Variants in ZHX3 observed in about 807,000 individuals in gnomAD.
The protein encoded by ZHX3 is zinc fingers and homeoboxes protein 3.
ZHX3 carries 20 observed loss-of-function variants against 64.5 expected under a neutral mutation model. The ratio of observed to expected loss-of-function variants is 0.31; its 90% CI spans 0.22 to 0.45. ZHX3 has a LOEUF of 0.45. Ranked by LOEUF, ZHX3 falls within the 20% of genes least tolerant of loss-of-function variation. The pLI is 1.00. For missense variants in ZHX3, 1,041 were observed against 1,195.8 expected (o/e 0.87, Z 1.91); for synonymous variants, 423 against 461.6 (o/e 0.92, Z 1.07).
At chr20:41,273,301 C>T (rs2043234531) in intron 1 of ZHX3, among the ~76,000 whole-genome samples, 1 of 152,126 alleles carries the variant, frequency 6.6e-6, no homozygotes, top group Admixed American at 6.5e-5. Context: ...CAGATATCTC[C>T]TCCCATTCTG....
intron 2 of ZHX3, among the ~76,000 whole-genome samples, chr20:41,248,708 C>CGAG (rs2146494136): frequency 6.6e-6 from 1 of 152,324 alleles, no homozygotes; most frequent in Non-Finnish European, 1.5e-5. Context: ...GCTCCCTCCT[C>CGAG]TGTGGAATGA....
intron 2 of ZHX3, among the ~76,000 whole-genome samples, chr20:41,237,829 C>A (rs983391225): frequency 2.0e-5 from 3 of 152,036 alleles, no homozygotes; most frequent in African/African-American, 7.2e-5. Context: ...TGGCGGTGAT[C>A]AATATTTATT....
intron 1 of ZHX3, among the ~76,000 whole-genome samples, chr20:41,278,298 G>T (rs1395042316): frequency 7.2e-6 from 1 of 138,204 alleles, no homozygotes; most frequent in African/African-American, 2.7e-5. Flanking sequence ...AGCAGAGATT[G>T]TGCCACTGTA....
At chr20:41,213,529 C>CCTA (rs1358657944) in intron 2 of ZHX3, among the ~76,000 whole-genome samples, 1 of 152,114 alleles carries the variant, frequency 6.6e-6, no homozygotes, top group African/African-American at 2.4e-5. Context: ...GAGATGCAGA[C>CCTA]CTACTACCTG....
chr20:41,209,262 G>T (rs1168589518), intron 2 of ZHX3, among the ~76,000 whole-genome samples: 1 of 152,082 alleles, frequency 6.6e-6, no homozygotes, highest in Non-Finnish European at 1.5e-5. Flanking sequence ...TGGCCATACT[G>T]CCCAAGGTAA....
chr20:41,245,587 G>C (rs1482893338), intron 2 of ZHX3, among the ~76,000 whole-genome samples: 3 of 152,226 alleles, frequency 2.0e-5, no homozygotes, highest in Non-Finnish European at 4.4e-5. Flanking sequence ...AGCACACCCA[G>C]TTACATAACT....
intron 1 of ZHX3, among the ~76,000 whole-genome samples, chr20:41,309,650 G>A (rs62208468): frequency 3.9e-4 from 59 of 152,238 alleles, no homozygotes; most frequent in Middle Eastern, 6.8e-3. Flanking sequence ...CATCTCCCTC[G>A]GGTAAAATCC....
chr20:41,288,567 G>A (rs1000539227), intron 1 of ZHX3, among the ~76,000 whole-genome samples: 12 of 152,166 alleles, frequency 7.9e-5, no homozygotes, highest in Non-Finnish European at 1.5e-4. Flanking sequence ...CAACACACTG[G>A]TGGTGCACAG....
intron 1 of ZHX3, among the ~76,000 whole-genome samples, chr20:41,280,676 CA>C (rs1377567923): frequency 3.3e-5 from 5 of 152,146 alleles, no homozygotes; most frequent in Middle Eastern, 6.8e-3. Context: ...CTCGGCCTCC[CA>C]AAGCGCTGGG....
intron 1 of ZHX3, among the ~76,000 whole-genome samples, chr20:41,314,724 T>C (rs1461553630): frequency 6.6e-6 from 1 of 152,212 alleles, no homozygotes; most frequent in Admixed American, 6.5e-5. Flanking sequence ...TTCTCAGATA[T>C]AGATGAGAAA....
chr20:41,264,385 C>CAAA lies in ZHX3; in HGVS notation c.-151+4602_-151+4604dup, dbSNP rs1165922837. Among the ~76,000 whole-genome samples, 70 of 74,452 alleles carry CAAA rather than the reference C, an allele frequency of 9.4e-4. 2 individuals are homozygous for CAAA. Among genetic ancestry groups the CAAA allele is most frequent in the South Asian group, 4.1e-3 (7 of 1,696 alleles). 48.8% of individuals were successfully genotyped at this position (74,452 alleles called of 152,430 possible). On this transcript the variant is annotated intron_variant, in intron 2 of 3. Coordinates refer to ENST00000683867, the MANE Select transcript of ZHX3 (RefSeq NM_001384317.1). ...AGAAACCCCGTCTCTACCAAAAATA[C>CAAA]AAAAAAAAAAAAAAAAAAAAAAAGT...
In ZHX3 at chr20:41,217,981, T is replaced by C. The variant is rs375839911; in HGVS notation, c.-150-12915A>G. Among the ~76,000 whole-genome samples, 77 of 152,340 alleles carry C rather than the reference T, an allele frequency of 5.1e-4. 1 individual carries two copies. The highest frequency in any genetic ancestry group is 4.8e-3 in the East Asian group (25 of 5,196). On this transcript the variant is annotated intron_variant, in intron 2 of 3. Coordinates refer to ENST00000683867, the MANE Select transcript of ZHX3 (RefSeq NM_001384317.1). ...GAAGATTTTACAACCTGAACTATTC[T>C]AGTGTTTTGTTTTGTTCTTTAAAAA...
chr20:41,258,561 G>T (rs2042389228), intron 2 of ZHX3, among the ~76,000 whole-genome samples: 1 of 152,042 alleles, frequency 6.6e-6, no homozygotes, highest in South Asian at 2.1e-4. Context: ...CAGTTATTTT[G>T]TTGACTGTCC....
chr20:41,283,600 T>C (rs2043796426), intron 1 of ZHX3, among the ~76,000 whole-genome samples: 1 of 151,878 alleles, frequency 6.6e-6, no homozygotes, highest in South Asian at 2.1e-4. Context: ...CTACTAAAAA[T>C]ACAAAAAATT....
intron 1 of ZHX3, among the ~76,000 whole-genome samples, chr20:41,273,118 T>C (rs1199881507): frequency 6.6e-6 from 1 of 152,214 alleles, no homozygotes; most frequent in East Asian, 1.9e-4. Context: ...TTGATTTGCA[T>C]TTCCTTAATG....
In ZHX3 at chr20:41,181,145, G is replaced by T. The variant is rs1200227506; in HGVS notation, c.*4046C>A. 1 of 152,280 alleles carries T rather than the reference G, an allele frequency of 6.6e-6. No homozygotes were observed. The highest frequency in any genetic ancestry group is 2.4e-5 in the African/African-American group (1 of 41,432). 9.4% of individuals were successfully genotyped at this position (152,280 alleles called of 1,614,324 possible). ...GGGTCAAGAGACCCTGAAGAGGAGGGTCCGTGTCTGGAGTGAGGGGAACTG... is the reference window on the plus strand; with the variant it reads ...GGGTCAAGAGACCCTGAAGAGGAGGTTCCGTGTCTGGAGTGAGGGGAACTG... On this transcript the variant is annotated 3_prime_UTR_variant, in exon 4 of 4. Coordinates refer to ENST00000683867, the MANE Select transcript of ZHX3 (RefSeq NM_001384317.1).
Position 41,282,610 on chromosome 20 carries a change from G to A in ZHX3, c.-244-13527C>T, listed in dbSNP as rs532468081. 1.7e-4 allele frequency among the ~76,000 whole-genome samples: 26 copies of A among 152,018 alleles called. No homozygotes were observed. In the South Asian group the frequency reaches 1.9e-3, roughly 11 times the overall value. On this transcript the variant is annotated intron_variant, in intron 1 of 3. Transcript: ENST00000683867. ...CCTGACCTTGTGATCTATCCATCTC[G>A]GCCTCCCAAAGTGCTGGGATTACAG...
chr20:41,214,437 G>C (rs541799814), intron 2 of ZHX3, among the ~76,000 whole-genome samples: 1 of 152,292 alleles, frequency 6.6e-6, no homozygotes, highest in South Asian at 2.1e-4. Context: ...TCTCGCTCCA[G>C]AGCCTGCAAC....
At position 41,180,516 on chromosome 20, in the gene ZHX3, T is replaced by TG. The variant is rs1298898334; in HGVS notation, c.*4674dup. 1.3e-5 allele frequency: 2 copies of TG among 152,260 alleles called. No individual in the cohort carries two copies. Among genetic ancestry groups the TG allele is most frequent in the Non-Finnish European group, 2.9e-5 (2 of 68,086 alleles). The allele number at this position is 152,260 out of a possible 1,614,324, so 9.4% of individuals were successfully genotyped here. On this transcript the variant is annotated 3_prime_UTR_variant, in exon 4 of 4. Coordinates refer to ENST00000683867, the MANE Select transcript of ZHX3 (RefSeq NM_001384317.1). ...TTCTTTGCCATAGAAACTTCTCTGT[T>TG]GAAGGACTGCGTCCCCATTCAAAGA...
Sources: allele counts gnomAD v4.1 joint callset (sites outside exome capture counted in the v4.1 genomes callset), GRCh38; gene constraint gnomAD v4.1.1; transcripts MANE v1.5; gene names NCBI Gene and HGNC (gene_info 2026-07-23, HGNC 2026-07-21).